CACNA1C: variants seen among roughly 807,000 people sequenced by gnomAD.
CACNA1C encodes the protein calcium voltage-gated channel subunit alpha1 C, also known as voltage-dependent L-type calcium channel subunit alpha-1C.
CACNA1C carries 30 observed loss-of-function variants against 229.0 expected under a neutral mutation model. That is an observed-to-expected ratio of 0.13 (90% confidence interval 0.10 to 0.18). CACNA1C has a LOEUF of 0.18. Among genes scored for constraint, CACNA1C ranks in the 10% least tolerant of loss-of-function variants. The pLI is 1.00. For synonymous variants in CACNA1C, 1,114 were observed against 1,132.5 expected (o/e 0.98, Z 0.33); for missense variants, 1,658 against 2,845.0 (o/e 0.58, Z 9.49).
intron 1 of CACNA1C, among the ~76,000 whole-genome samples, chr12:1,977,341 C>A (rs2034726862): frequency 1.3e-5 from 2 of 152,192 alleles, no homozygotes; most frequent in Admixed American, 1.3e-4. Context: ...CATTCTCCGT[C>A]TCTACCATGA....
At chr12:2,565,209 C>T (rs543318633) in intron 11 of CACNA1C, among the ~76,000 whole-genome samples, 42 of 152,152 alleles carry the variant, frequency 2.8e-4, no homozygotes, top group Non-Finnish European at 3.8e-4. Context: ...TGGCTCACGC[C>T]TGTAATCCCA....
chr12:2,666,794 C>A lies in CACNA1C; in HGVS notation c.4623+12C>A. The A allele has an allele frequency of 6.5e-7, 1 of 1,547,986 alleles. No individual in the cohort carries two copies. The highest frequency in any genetic ancestry group is 8.8e-7 in the Non-Finnish European group (1 of 1,130,562). On this transcript the variant is annotated intron_variant, in intron 37 of 46. Transcript: ENST00000399655. This position sits in a 1 kb window ranked among gnomAD's most constrained non-coding sequence, Gnocchi z 5.3. The stretch of plus-strand genomic sequence containing the variant: ...GCGTGGCTTGCAAAGTAAGAGATAA[C>A]GGGGTTCATGGGAGGGAGAGGGAAA...
intron 1 of CACNA1C, among the ~76,000 whole-genome samples, chr12:1,990,229 T>C (rs77503405): frequency 0.011 from 1,741 of 152,334 alleles, 26 homozygotes; most frequent in African/African-American, 0.036. Context: ...GGATAACCCA[T>C]ATAAAACCTG....
chr12:2,016,257 G>A (rs891165915), intron 1 of CACNA1C, among the ~76,000 whole-genome samples: 15 of 151,766 alleles, frequency 9.9e-5, no homozygotes, highest in African/African-American at 2.7e-4. Flanking sequence ...ATCAGGTCCC[G>A]AGTACTGTCA....
intron 3 of CACNA1C, among the ~76,000 whole-genome samples, chr12:2,142,225 A>C (rs1358087219): frequency 6.6e-6 from 1 of 151,268 alleles, no homozygotes; most frequent in African/African-American, 2.4e-5. Context: ...CTGCATAACA[A>C]GAGTCTGATC....
At position 2,575,282 on chromosome 12, in the gene CACNA1C, G is replaced by C. The variant is rs1232487573; in HGVS notation, c.1896-6308G>C. 6.6e-6 allele frequency among the ~76,000 whole-genome samples: 1 copy of C among 152,216 alleles called. No homozygotes were observed. ...GGCAGGTACCAGTAGAAACTGAACC[G>C]GTAGTTGAGGCCTTGGGGCCCAGGT... On this transcript the variant is annotated intron_variant, in intron 13 of 46. Transcript: ENST00000399655. The surrounding 1 kb of genome is among the most constrained non-coding windows in gnomAD (Gnocchi z 4.0).
intron 3 of CACNA1C, among the ~76,000 whole-genome samples, chr12:2,379,456 T>C (rs1238685423): frequency 1.3e-5 from 2 of 152,184 alleles, no homozygotes; most frequent in Non-Finnish European, 2.9e-5. Flanking sequence ...ACCCTGGGGC[T>C]GGGGACAAGG....
chr12:2,273,816 G>A (rs2086330889), intron 3 of CACNA1C, among the ~76,000 whole-genome samples: 1 of 152,242 alleles, frequency 6.6e-6, no homozygotes, highest in Non-Finnish European at 1.5e-5. Flanking sequence ...GGCTTGGTTA[G>A]GGGGCAGAGA....
At chr12:2,438,287 A>ATGGTGG (rs1169158314) in intron 3 of CACNA1C, among the ~76,000 whole-genome samples, 959 of 22,584 alleles carry the variant, frequency 0.042, 16 homozygotes, top group African/African-American at 0.15. Flanking sequence ...GATAGTGGTA[A>ATGGTGG]TGATGGTGGT....
chr12:2,681,410 T>C (rs1176301417), intron 42 of CACNA1C, among the ~76,000 whole-genome samples: 1 of 152,216 alleles, frequency 6.6e-6, no homozygotes. Context: ...AGCTTCAGCT[T>C]GGTGAAGAGG....
intron 3 of CACNA1C, among the ~76,000 whole-genome samples, chr12:2,402,049 G>A (rs899811038): frequency 6.6e-6 from 1 of 152,248 alleles, no homozygotes; most frequent in African/African-American, 2.4e-5. Flanking sequence ...CATGCCTCTT[G>A]GCAGAGAAGA....
chr12:2,635,732 A>G (rs1264903886), intron 30 of CACNA1C, among the ~76,000 whole-genome samples: 3 of 152,002 alleles, frequency 2.0e-5, no homozygotes, highest in Non-Finnish European at 4.4e-5. Flanking sequence ...TGCTCACCCT[A>G]TAGCTCCAGA....
intron 3 of CACNA1C, among the ~76,000 whole-genome samples, chr12:2,155,437 T>A (rs2095508004): frequency 6.6e-6 from 1 of 152,242 alleles, no homozygotes; most frequent in South Asian, 2.1e-4. Context: ...CCAAAGGATC[T>A]TAAGGACTTT....
intron 3 of CACNA1C, among the ~76,000 whole-genome samples, chr12:2,418,520 T>G (rs1282401043): frequency 6.6e-6 from 1 of 151,452 alleles, no homozygotes; most frequent in Non-Finnish European, 1.5e-5. Flanking sequence ...CAGAGCCCTG[T>G]GGAGGAGATG....
In CACNA1C at chr12:2,448,980, G is replaced by A. The variant is rs777210376; in HGVS notation, c.482G>A (p.Arg161Gln). ...TTTTCTATTTCTGTTTCCTAGGAACGAGTGGAATATCTCTTTCTCATAATT... is the reference window on the plus strand; with the variant it reads ...TTTTCTATTTCTGTTTCCTAGGAACAAGTGGAATATCTCTTTCTCATAATT... ...DSNATNSNLE[R>Q]VEYLFLIIFT... Residue 161 changes from arginine to glutamine, a missense_variant, in exon 4 of 47, where the codon CGA becomes CAA. By Grantham distance (43) the Arg-to-Gln change is conservative. This residue lies in a region of CACNA1C where 89 missense variants were observed against 177.8 expected (regional missense o/e 0.50). Coordinates refer to ENST00000399655, the MANE Select transcript of CACNA1C (RefSeq NM_000719.7). 5.8e-5 allele frequency: 93 copies of A among 1,606,926 alleles called. No homozygotes were observed. The highest frequency in any genetic ancestry group is 7.6e-5 in the Non-Finnish European group (89 of 1,175,402).
chr12:2,546,252 T>TATTCCTTGCAGTAGCTGATGTCTTCAC (rs2099880765), intron 9 of CACNA1C, among the ~76,000 whole-genome samples: 1 of 106,562 alleles, frequency 9.4e-6, no homozygotes, highest in African/African-American at 4.7e-5. Flanking sequence ...GGTGTCTTCA[T>TATTCCTTGCAGTAGCTGATGTCTTCAC]ACTATTCTGT....
chr12:2,136,154 C>T lies in CACNA1C; in HGVS notation c.477+15724C>T, dbSNP rs1050388728. On this transcript the variant is annotated intron_variant, in intron 3 of 46. Coordinates refer to ENST00000399655, the MANE Select transcript of CACNA1C (RefSeq NM_000719.7). ...CTTCCCAGGTGAGGCAATGCCTCGC[C>T]CTGCTTTGGCTCGCGCACCCACTGG... is the stretch of plus-strand genomic sequence containing the variant. 9.2e-5 allele frequency among the ~76,000 whole-genome samples: 14 copies of T among 151,532 alleles called. 1 individual carries two copies. The highest frequency in any genetic ancestry group is 1.6e-4 in the Non-Finnish European group (11 of 67,664).
chr12:2,176,618 T>C (rs2096653784), intron 3 of CACNA1C, among the ~76,000 whole-genome samples: 1 of 152,112 alleles, frequency 6.6e-6, no homozygotes, highest in South Asian at 2.1e-4. Flanking sequence ...AGGGGTTCTC[T>C]GTGCATGTGG....
At chr12:2,525,982 G>A (rs934048065) in intron 9 of CACNA1C, among the ~76,000 whole-genome samples, 1 of 152,164 alleles carries the variant, frequency 6.6e-6, no homozygotes, top group African/African-American at 2.4e-5. Flanking sequence ...TGAAAAGGGT[G>A]GTCTGTTGGG....
Sources: allele counts gnomAD v4.1 joint callset (sites outside exome capture counted in the v4.1 genomes callset), GRCh38; gene constraint gnomAD v4.1.1; regional missense constraint gnomAD v4.1.1; non-coding constraint Gnocchi (gnomAD v3.1); transcripts MANE v1.5; gene names NCBI Gene and HGNC (gene_info 2026-07-23, HGNC 2026-07-21).